The following OR2L13 variants were observed in gnomAD, a reference collection of about 807,000 sequenced individuals.
The protein encoded by OR2L13 is olfactory receptor 2L13.
Under a neutral mutation model 15.3 loss-of-function variants are expected in OR2L13, and 14 were observed. That is an observed-to-expected ratio of 0.91 (90% CI 0.60 to 1.43). The LOEUF (loss-of-function observed/expected upper bound fraction) is 1.43. Ranked by LOEUF, OR2L13 falls within the 40% of genes most tolerant of loss-of-function variation. The pLI is 0.00. For synonymous variants in OR2L13, 152 were observed against 142.9 expected (o/e 1.06, Z -0.45); for missense variants, 367 against 387.9 (o/e 0.95, Z 0.45).
the OR2L13 span, chr1:247,948,847 A>G: frequency 3.8e-6 from 6 of 1,588,194 alleles, no homozygotes; most frequent in South Asian, 1.2e-5. Context: ...AATGGATTGT[A>G]GGAATGCTCC....
chr1:247,969,061 A>G, the OR2L13 span, among the ~76,000 whole-genome samples: 1 of 152,092 alleles, frequency 6.6e-6, no homozygotes, highest in Non-Finnish European at 1.5e-5. Context: ...ATGGTATCTC[A>G]TTGTAGTTTT....
At chr1:248,035,225 C>T in the OR2L13 span, among the ~76,000 whole-genome samples, 2 of 151,854 alleles carry the variant, frequency 1.3e-5, no homozygotes, top group African/African-American at 2.4e-5. Context: ...CCGAGATGGG[C>T]GGATCACGAG....
chr1:248,044,569 C>G, the OR2L13 span, among the ~76,000 whole-genome samples: 1 of 126,246 alleles, frequency 7.9e-6, no homozygotes, highest in Non-Finnish European at 1.5e-5. Context: ...TTTGGGAGGC[C>G]GAGGCGGGTG....
upstream of OR2L13, among the ~76,000 whole-genome samples, chr1:248,095,894 T>A (rs764662959): frequency 5.6e-4 from 85 of 150,936 alleles, no homozygotes; most frequent in Non-Finnish European, 1.0e-3. Context: ...CCTGAGCCAC[T>A]GCGCCTGGCC....
chr1:248,081,634 T>G, the OR2L13 span, among the ~76,000 whole-genome samples: 1 of 152,160 alleles, frequency 6.6e-6, no homozygotes, highest in African/African-American at 2.4e-5. Context: ...ATGACAGAAT[T>G]TATGCAGTTC....
At chr1:247,986,628 G>A in the OR2L13 span, among the ~76,000 whole-genome samples, 3 of 152,170 alleles carry the variant, frequency 2.0e-5, no homozygotes, top group Non-Finnish European at 4.4e-5. Context: ...CTTTAAAGTA[G>A]TTTTTTCCAA....
chr1:247,967,027 A>G, the OR2L13 span, among the ~76,000 whole-genome samples: 1 of 136,984 alleles, frequency 7.3e-6, no homozygotes, highest in African/African-American at 2.6e-5. Context: ...CCTTTTGTGC[A>G]TGCAAACACA....
the OR2L13 span, among the ~76,000 whole-genome samples, chr1:248,006,136 A>G: frequency 6.6e-6 from 1 of 151,950 alleles, no homozygotes; most frequent in Admixed American, 6.6e-5. Flanking sequence ...GGACAATTGT[A>G]CCCAACTGCC....
At chr1:248,031,691 A>G in the OR2L13 span, among the ~76,000 whole-genome samples, 48 of 152,214 alleles carry the variant, frequency 3.2e-4, 1 homozygote, top group Non-Finnish European at 1.3e-4. Context: ...TTCCTTCTCT[A>G]GAACTTTTAA....
chr1:248,056,809 G>A, the OR2L13 span, among the ~76,000 whole-genome samples: 4 of 151,526 alleles, frequency 2.6e-5, no homozygotes, highest in African/African-American at 4.9e-5. Flanking sequence ...CACCATACTC[G>A]GCTAAATTTT....
At chr1:248,071,471 A>G in the OR2L13 span, among the ~76,000 whole-genome samples, 2 of 152,146 alleles carry the variant, frequency 1.3e-5, no homozygotes, top group African/African-American at 4.8e-5. Flanking sequence ...TTGATGGGAC[A>G]TATCTCAAAA....
At chr1:248,065,806 C>T in the OR2L13 span, among the ~76,000 whole-genome samples, 1 of 151,948 alleles carries the variant, frequency 6.6e-6, no homozygotes, top group Non-Finnish European at 1.5e-5. Flanking sequence ...CACAAATATG[C>T]TGAGTCAGCA....
At chr1:248,003,560 A>G in the OR2L13 span, 62 of 1,612,416 alleles carry the variant, frequency 3.8e-5, no homozygotes, top group Non-Finnish European at 4.5e-5. Context: ...TGTGCTGATG[A>G]TAACAGGATC....
At chr1:247,956,505 A>G in the OR2L13 span, among the ~76,000 whole-genome samples, 1 of 150,532 alleles carries the variant, frequency 6.6e-6, no homozygotes, top group Non-Finnish European at 1.5e-5. Context: ...CTTGATGGGG[A>G]TGGCATTGAA....
At chr1:248,095,397 G>A (rs1664692682), upstream of OR2L13, 1 of 152,036 alleles carries the variant, frequency 6.6e-6, no homozygotes, top group South Asian at 2.1e-4. Context: ...ATATTATAAA[G>A]TGTTACCTGG....
At chr1:247,967,810 T>C in the OR2L13 span, among the ~76,000 whole-genome samples, 1 of 152,150 alleles carries the variant, frequency 6.6e-6, no homozygotes, top group Non-Finnish European at 1.5e-5. Context: ...ACAATGTCTT[T>C]TACTTCCTAA....
upstream of OR2L13, among the ~76,000 whole-genome samples, chr1:248,096,207 T>A (rs950052504): frequency 1.1e-3 from 171 of 151,442 alleles, no homozygotes; most frequent in African/African-American, 4.0e-3. Flanking sequence ...TGAAACCCGG[T>A]CTCTACTGAA....
At chr1:248,051,345 C>T in the OR2L13 span, 4 of 152,088 alleles carry the variant, frequency 2.6e-5, no homozygotes, top group South Asian at 2.1e-4. Flanking sequence ...AAAATTTCTT[C>T]GCTTTTAAAA....
chr1:248,000,123 G>GTGTGTGTGTGTGT, the OR2L13 span, among the ~76,000 whole-genome samples: 402 of 138,280 alleles, frequency 2.9e-3, 3 homozygotes, highest in African/African-American at 9.7e-3. Context: ...TTTTTTTTTT[G>GTGTGTGTGTGTGT]GTGTGTGTGT....
Sources: gnomAD v4.1 joint callset for allele counts (sites outside exome capture counted in the v4.1 genomes callset) on GRCh38, gnomAD v4.1.1 for gene constraint, MANE v1.5 for transcripts, NCBI Gene and HGNC (gene_info 2026-07-23, HGNC 2026-07-21) for gene names.